The following PTGR1 variants were observed in gnomAD, a reference collection of about 807,000 sequenced individuals.
PTGR1 encodes the protein 15-oxoprostaglandin 13-reductase.
Under a neutral mutation model 37.7 loss-of-function variants are expected in PTGR1, and 23 were observed. That is an observed-to-expected ratio of 0.61 (90% CI 0.44 to 0.86). The LOEUF (loss-of-function observed/expected upper bound fraction) is 0.86, where lower values mean the gene tolerates loss of function less well. Ranked by LOEUF, PTGR1 falls within the 40% of genes least tolerant of loss-of-function variation. The pLI is 0.00. For synonymous variants in PTGR1, 134 were observed against 140.0 expected (o/e 0.96, Z 0.30); for missense variants, 351 against 394.3 (o/e 0.89, Z 0.93).
chr9:111,558,295 A>G (rs934260714), downstream of PTGR1, among the ~76,000 whole-genome samples: 1 of 152,170 alleles, frequency 6.6e-6, no homozygotes, highest in Non-Finnish European at 1.5e-5. Context: ...CAAATTTTCC[A>G]TGATTTGTCT....
intron 8 of PTGR1, among the ~76,000 whole-genome samples, chr9:111,571,218 C>G (rs1188883552): frequency 6.7e-6 from 1 of 149,338 alleles, no homozygotes; most frequent in Non-Finnish European, 1.5e-5. Flanking sequence ...TTGAGAGCAG[C>G]CTGGCCAACA....
chr9:111,598,012 TA>T (rs1401905342), intron 1 of PTGR1, among the ~76,000 whole-genome samples: 2 of 150,940 alleles, frequency 1.3e-5, no homozygotes, highest in African/African-American at 4.9e-5. Flanking sequence ...TTTTTTTAAA[TA>T]CTTTTTTTTC....
intron 8 of PTGR1, among the ~76,000 whole-genome samples, chr9:111,571,160 C>T (rs1454747193): frequency 6.7e-6 from 1 of 149,728 alleles, no homozygotes; most frequent in Non-Finnish European, 1.5e-5. Flanking sequence ...TGCCTATAAT[C>T]CAGCATTTTG....
chr9:111,597,867 A>G (rs925331785), intron 1 of PTGR1, among the ~76,000 whole-genome samples: 4 of 152,212 alleles, frequency 2.6e-5, no homozygotes, highest in African/African-American at 9.7e-5. Context: ...AGCATCAAAC[A>G]CAAAGAACCC....
chr9:111,555,471 A>G (rs67208403), intron 9 of PTGR1, among the ~76,000 whole-genome samples: 51,229 of 151,962 alleles, frequency 0.34, 9,416 homozygotes, highest in Non-Finnish European at 0.42. Context: ...TTTTTCCTCT[A>G]AACAATATGT....
At chr9:111,595,814 T>C (rs1829764087) in intron 2 of PTGR1, among the ~76,000 whole-genome samples, 1 of 151,922 alleles carries the variant, frequency 6.6e-6, no homozygotes, top group South Asian at 2.1e-4. Context: ...TTTGTATTTT[T>C]AGTAGAGATG....
chr9:111,594,624 C>T (rs1197450327), intron 2 of PTGR1, among the ~76,000 whole-genome samples: 1 of 144,502 alleles, frequency 6.9e-6, no homozygotes, highest in East Asian at 2.0e-4. Flanking sequence ...GATCTTGGCT[C>T]ACTGGAAGCT....
chr9:111,593,356 A>C (rs912404824), intron 3 of PTGR1, among the ~76,000 whole-genome samples: 1 of 152,252 alleles, frequency 6.6e-6, no homozygotes. Flanking sequence ...AAAAGATGCC[A>C]ATTAACATTT....
chr9:111,554,294 A>G (rs143712473), intron 9 of PTGR1, among the ~76,000 whole-genome samples: 240 of 150,688 alleles, frequency 1.6e-3, no homozygotes, highest in African/African-American at 5.3e-3. Context: ...AAGAAAGTCA[A>G]CCTCTGTCTT....
intron 1 of PTGR1, among the ~76,000 whole-genome samples, chr9:111,597,994 G>GTT (rs34861111): frequency 4.1e-5 from 6 of 146,594 alleles, no homozygotes; most frequent in African/African-American, 1.5e-4. Flanking sequence ...TTTCAGGTGC[G>GTT]TTTTTTTTTT....
intron 8 of PTGR1, among the ~76,000 whole-genome samples, chr9:111,572,567 G>A (rs1452652030): frequency 2.0e-5 from 3 of 151,960 alleles, no homozygotes; most frequent in Non-Finnish European, 4.4e-5. Context: ...TCCAGCCTGG[G>A]CGACAGAGTG....
intron 4 of PTGR1, chr9:111,589,382 G>C (rs927738454): frequency 1.1e-6 from 1 of 889,694 alleles, no homozygotes; most frequent in Non-Finnish European, 1.3e-6. Flanking sequence ...ATAATAACTG[G>C]CTAGTCATTG....
At chr9:111,576,160 T>A (rs1829044885) in intron 7 of PTGR1, among the ~76,000 whole-genome samples, 1 of 149,126 alleles carries the variant, frequency 6.7e-6, no homozygotes, top group Non-Finnish European at 1.5e-5. Context: ...CTGGTGAGAC[T>A]GAGTCTCAAA....
At chr9:111,560,980 G>T (rs562139758), downstream of PTGR1, among the ~76,000 whole-genome samples, 724 of 29,836 alleles carry the variant, frequency 0.024, 31 homozygotes, top group East Asian at 0.043. Flanking sequence ...TATATAGAGA[G>T]AGAGAGAGAG....
At chr9:111,583,431 G>A (rs761378295) in intron 6 of PTGR1, 41 bp downstream of exon 6, 6 of 1,491,144 alleles carry the variant, frequency 4.0e-6, no homozygotes, top group Non-Finnish European at 4.7e-6. Context: ...CATTCCCAAT[G>A]GGTTTTGAAT....
chr9:111,598,381 T>C (rs1360590920), intron 1 of PTGR1, among the ~76,000 whole-genome samples: 1 of 152,198 alleles, frequency 6.6e-6, no homozygotes. Context: ...CCAGCTCCCC[T>C]ACCGGTGCCG....
chr9:111,559,254 G>A (rs576556691), downstream of PTGR1, among the ~76,000 whole-genome samples: 23 of 152,054 alleles, frequency 1.5e-4, no homozygotes, highest in South Asian at 4.2e-3. Flanking sequence ...ACCCCTTCAC[G>A]TGCACACCTT....
intron 1 of PTGR1, among the ~76,000 whole-genome samples, chr9:111,597,750 T>G (rs1006829816): frequency 3.9e-5 from 6 of 152,212 alleles, no homozygotes; most frequent in African/African-American, 1.4e-4. Context: ...AAAGAAATTC[T>G]TCCCAGCCAC....
intron 4 of PTGR1, among the ~76,000 whole-genome samples, chr9:111,591,579 A>G (rs1306662688): frequency 6.6e-6 from 1 of 151,878 alleles, no homozygotes; most frequent in Non-Finnish European, 1.5e-5. Context: ...CATGTTGGCC[A>G]GGCTGGTCTC....
Sources: gnomAD v4.1 joint callset for allele counts (sites outside exome capture counted in the v4.1 genomes callset) on GRCh38, gnomAD v4.1.1 for gene constraint, MANE v1.5 for transcripts, NCBI Gene and HGNC (gene_info 2026-07-23, HGNC 2026-07-21) for gene names.